ZNF704: variants seen among roughly 807,000 people sequenced by gnomAD.
ZNF704 encodes the protein zinc finger protein 704, also known as glucocorticoid induced gene 1.
ZNF704 carries 10 observed loss-of-function variants against 44.7 expected under a neutral mutation model. That is an observed-to-expected ratio of 0.22 (90% CI 0.14 to 0.38). ZNF704 has a LOEUF of 0.38. Ranked by LOEUF, ZNF704 falls within the 10% of genes least tolerant of loss-of-function variation. The pLI is 1.00. For missense variants in ZNF704, 390 were observed against 545.5 expected (o/e 0.71, Z 2.84); for synonymous variants, 211 against 207.6 (o/e 1.02, Z -0.14).
chr8:80,827,688 T>G (rs1246604998), intron 1 of ZNF704, among the ~76,000 whole-genome samples: 1 of 152,202 alleles, frequency 6.6e-6, no homozygotes, highest in African/African-American at 2.4e-5. Context: ...AAGGCTACAG[T>G]AACCAGAACA....
intron 1 of ZNF704, among the ~76,000 whole-genome samples, chr8:80,864,825 C>A (rs544740434): frequency 1.3e-5 from 2 of 152,086 alleles, no homozygotes; most frequent in South Asian, 4.1e-4. Flanking sequence ...ATTTCCATAG[C>A]AGCTTTAAGA....
At chr8:80,782,924 C>T (rs1291604694) in intron 2 of ZNF704, among the ~76,000 whole-genome samples, 4 of 151,868 alleles carry the variant, frequency 2.6e-5, no homozygotes, top group Non-Finnish European at 4.4e-5. Context: ...TATGGAGTGC[C>T]GACTGCACTT....
chr8:80,665,153 A>T, intron 5 of ZNF704, 71 bp from the exon 6 acceptor site: 1 of 1,530,546 alleles, frequency 6.5e-7, no homozygotes, highest in Non-Finnish European at 9.0e-7. Context: ...TTGCACATGC[A>T]TTTCCCCTCT....
At chr8:80,667,116 T>C (rs1417986701) in intron 5 of ZNF704, among the ~76,000 whole-genome samples, 1 of 151,980 alleles carries the variant, frequency 6.6e-6, no homozygotes, top group Non-Finnish European at 1.5e-5. Flanking sequence ...CAGGGAGAAG[T>C]GACACACAGC....
rs76121420 is a variant in ZNF704 at position 80,714,239 on chromosome 8, A to G, written c.222-21132T>C. Among the ~76,000 whole-genome samples the G allele has an allele frequency of 4.3e-3, 648 of 152,316 alleles. 6 individuals carry two copies. Among genetic ancestry groups the G allele is most frequent in the African/African-American group, 0.015 (616 of 41,572 alleles). ...TGATCATCTCTTGAGATGAAAGTCT[A>G]TCAATACTGATGAAAAGCAGCTGTA... is the stretch of plus-strand genomic sequence containing the variant. On this transcript the variant is annotated intron_variant, in intron 2 of 8. Transcript: ENST00000327835.
chr8:80,872,415 C>G (rs1218109281), intron 1 of ZNF704, among the ~76,000 whole-genome samples: 1 of 152,184 alleles, frequency 6.6e-6, no homozygotes, highest in Non-Finnish European at 1.5e-5. Context: ...AATGCAACTT[C>G]AAGCTTTGAG....
intron 2 of ZNF704, among the ~76,000 whole-genome samples, chr8:80,765,181 C>G (rs1807208214): frequency 6.6e-6 from 1 of 152,132 alleles, no homozygotes; most frequent in Non-Finnish European, 1.5e-5. Flanking sequence ...GCTGGTGAGC[C>G]TAATGTTCTG....
intron 6 of ZNF704, among the ~76,000 whole-genome samples, chr8:80,664,246 G>A (rs1049570944): frequency 6.7e-6 from 1 of 149,930 alleles, no homozygotes; most frequent in South Asian, 2.1e-4. Flanking sequence ...ACAGGCACAC[G>A]CCACCATGCC....
At chr8:80,768,476 T>C (rs910044093) in intron 2 of ZNF704, among the ~76,000 whole-genome samples, 1 of 152,152 alleles carries the variant, frequency 6.6e-6, no homozygotes, top group African/African-American at 2.4e-5. Context: ...TCAATAATAA[T>C]AAGGCATATT....
chr8:80,813,459 T>A (rs1808122728), intron 2 of ZNF704, among the ~76,000 whole-genome samples: 1 of 152,216 alleles, frequency 6.6e-6, no homozygotes, highest in Non-Finnish European at 1.5e-5. Context: ...ATTTTGAATG[T>A]CATTTTTAAC....
chr8:80,735,132 T>A (rs1215573519), intron 2 of ZNF704, among the ~76,000 whole-genome samples: 1 of 152,168 alleles, frequency 6.6e-6, no homozygotes, highest in Non-Finnish European at 1.5e-5. Context: ...CAAAATCACT[T>A]CCATTACTTT....
intron 1 of ZNF704, among the ~76,000 whole-genome samples, chr8:80,829,986 C>A (rs958315946): frequency 6.6e-6 from 1 of 152,174 alleles, no homozygotes. Context: ...TGTAGATACT[C>A]ATTATATCAC....
intron 7 of ZNF704, among the ~76,000 whole-genome samples, chr8:80,645,462 A>C (rs1817815550): frequency 6.6e-6 from 1 of 152,122 alleles, no homozygotes; most frequent in Non-Finnish European, 1.5e-5. Context: ...CTCTGCCTGA[A>C]TTTCATGTTG....
chr8:80,712,898 T>G (rs1417433932), intron 2 of ZNF704, among the ~76,000 whole-genome samples: 1 of 151,864 alleles, frequency 6.6e-6, no homozygotes, highest in East Asian at 1.9e-4. Flanking sequence ...TTGTTTTGGT[T>G]TGGTTTGGTT....
intron 2 of ZNF704, among the ~76,000 whole-genome samples, chr8:80,739,312 A>G (rs1464593668): frequency 6.6e-6 from 1 of 152,138 alleles, no homozygotes; most frequent in Non-Finnish European, 1.5e-5. Flanking sequence ...CACTTGGTTA[A>G]ATTGGAACTC....
chr8:80,660,218 A>T (rs1818077437), intron 6 of ZNF704, among the ~76,000 whole-genome samples: 1 of 152,178 alleles, frequency 6.6e-6, no homozygotes, highest in African/African-American at 2.4e-5. Context: ...CATGCCTGTA[A>T]TCCCAGCACT....
At chr8:80,736,370 C>T (rs1029645572) in intron 2 of ZNF704, among the ~76,000 whole-genome samples, 1 of 152,214 alleles carries the variant, frequency 6.6e-6, no homozygotes, top group Non-Finnish European at 1.5e-5. Flanking sequence ...ACCTCTGACT[C>T]CCTGGTTCAA....
chr8:80,683,655 G>C (rs1818489126), intron 4 of ZNF704, among the ~76,000 whole-genome samples: 1 of 152,140 alleles, frequency 6.6e-6, no homozygotes, highest in Admixed American at 6.5e-5. Context: ...TGGCACAATG[G>C]GGATAAGAAT....
At chr8:80,745,180 A>G (rs1306626564) in intron 2 of ZNF704, among the ~76,000 whole-genome samples, 1 of 152,202 alleles carries the variant, frequency 6.6e-6, no homozygotes, top group Non-Finnish European at 1.5e-5. Context: ...TATATTTGAT[A>G]TAAACATTTC....
Sources: allele counts gnomAD v4.1 joint callset (sites outside exome capture counted in the v4.1 genomes callset), GRCh38; gene constraint gnomAD v4.1.1; transcripts MANE v1.5; gene names NCBI Gene and HGNC (gene_info 2026-07-23, HGNC 2026-07-21).